TTC8: variants seen among roughly 807,000 people sequenced by gnomAD.
TTC8 encodes tetratricopeptide repeat domain 8, also known as tetratricopeptide repeat protein 8.
A neutral mutation model predicts 72.5 loss-of-function variants in TTC8; 47 were observed. The observed-to-expected ratio is 0.65, with a 90% CI of 0.51 to 0.83. The LOEUF is 0.83. TTC8 is among the 40% of genes least tolerant of loss of function. The probability of loss-of-function intolerance (pLI) is 0.00; values close to 1 mark genes in which losing one functional copy is unlikely to be tolerated. For synonymous variants in TTC8, 199 were observed against 221.4 expected (o/e 0.90, Z 0.90); for missense variants, 611 against 623.2 (o/e 0.98, Z 0.21).
intron 9 of TTC8, among the ~76,000 whole-genome samples, chr14:88,859,871 ATATAT>A (rs1370083633): frequency 5.9e-5 from 7 of 118,996 alleles, no homozygotes; most frequent in African/African-American, 3.0e-4. Flanking sequence ...TATAATATAA[ATATAT>A]TATATATTAT....
chr14:88,874,272 G>A (rs1362633569), intron 13 of TTC8, among the ~76,000 whole-genome samples: 1 of 151,978 alleles, frequency 6.6e-6, no homozygotes, highest in Non-Finnish European at 1.5e-5. Context: ...CATTAAAAAA[G>A]TTATACAAAT....
At chr14:88,873,550 C>T (rs555930172) in intron 13 of TTC8, among the ~76,000 whole-genome samples, 1 of 152,086 alleles carries the variant, frequency 6.6e-6, no homozygotes, top group East Asian at 1.9e-4. Context: ...GAAACAGTAC[C>T]TGCCGTATGG....
Position 88,872,411 on chromosome 14 carries a change from A to G in TTC8, c.1306A>G (p.Asn436Asp). ...NNNNHAEAYN[N>D]LAVLEMRKGH... ...CAACAACCACGCCGAGGCCTACAAC[A>G]ACCTGGCTGTGCTGGAGATGCGGAA... The change falls in exon 13 of 15, where the codon AAC (asparagine) becomes GAC (aspartate). Residue 436 changes from asparagine (N) to aspartate (D), a missense_variant. Physicochemically the swap from Asn to Asp is conservative, Grantham distance 23. Transcript: ENST00000380656. 1 of 1,614,014 alleles carries G rather than the reference A, an allele frequency of 6.2e-7. No homozygotes were observed. The highest frequency in any genetic ancestry group is 8.5e-7 in the Non-Finnish European group (1 of 1,179,928).
chr14:88,828,093 T>C (rs1446490128), intron 1 of TTC8, among the ~76,000 whole-genome samples: 1 of 152,218 alleles, frequency 6.6e-6, no homozygotes, highest in African/African-American at 2.4e-5. Flanking sequence ...CCATCCTTAA[T>C]TCTCAGCACC....
chr14:88,875,227 T>A lies in TTC8; in HGVS notation c.1431+118T>A. 1.1e-5 allele frequency: 9 copies of A among 847,696 alleles called. No homozygotes were observed. In the South Asian group the frequency reaches 1.3e-4, roughly 12 times the overall value. The allele number at this position is 847,696 out of a possible 1,614,324, so 52.5% of individuals were successfully genotyped here. On this transcript the variant is annotated intron_variant, in intron 14 of 14. Coordinates refer to ENST00000380656, the MANE Select transcript of TTC8 (RefSeq NM_144596.4). ...CATCTTCCTGAAAGAAATGACTTTT[T>A]AAAACTCTTAATTACTGCATTTATT...
intron 1 of TTC8, among the ~76,000 whole-genome samples, chr14:88,828,985 C>T (rs996396327): frequency 6.6e-6 from 1 of 152,140 alleles, no homozygotes; most frequent in Non-Finnish European, 1.5e-5. Flanking sequence ...CAGAGTAATA[C>T]ATTTTAATTT....
intron 6 of TTC8, among the ~76,000 whole-genome samples, chr14:88,841,914 A>T (rs1048282550): frequency 5.3e-5 from 8 of 152,192 alleles, no homozygotes; most frequent in Admixed American, 2.6e-4. Context: ...GGATGATAAA[A>T]ATTATGTACT....
chr14:88,854,758 T>G (rs1041096978), intron 8 of TTC8, among the ~76,000 whole-genome samples: 1 of 152,214 alleles, frequency 6.6e-6, no homozygotes, highest in African/African-American at 2.4e-5. Flanking sequence ...TGATTGTGGC[T>G]CACTGCAGCC....
At chr14:88,866,971 C>T (rs2094912869) in intron 10 of TTC8, among the ~76,000 whole-genome samples, 1 of 152,124 alleles carries the variant, frequency 6.6e-6, no homozygotes, top group African/African-American at 2.4e-5. Flanking sequence ...AATGCCTAAC[C>T]TCTGTCATAA....
At chr14:88,860,524 C>T (rs753008535) in intron 9 of TTC8, among the ~76,000 whole-genome samples, 16 of 152,144 alleles carry the variant, frequency 1.1e-4, no homozygotes, top group Non-Finnish European at 2.2e-4. Flanking sequence ...AGGCCTTGTT[C>T]CATGGGTCAT....
chr14:88,836,666 A>T (rs2094753084), intron 2 of TTC8, among the ~76,000 whole-genome samples: 1 of 152,164 alleles, frequency 6.6e-6, no homozygotes, highest in South Asian at 2.1e-4. Context: ...AATCATGATG[A>T]ATTGGACTAT....
At chr14:88,859,229 C>A (rs1320050800) in intron 9 of TTC8, among the ~76,000 whole-genome samples, 1 of 151,984 alleles carries the variant, frequency 6.6e-6, no homozygotes, top group Non-Finnish European at 1.5e-5. Flanking sequence ...ATGTTCATTG[C>A]AGCACTATTC....
intron 8 of TTC8, among the ~76,000 whole-genome samples, chr14:88,854,938 T>C (rs1357711878): frequency 6.6e-6 from 1 of 152,186 alleles, no homozygotes; most frequent in Non-Finnish European, 1.5e-5. Flanking sequence ...CCTCCCGCCT[T>C]GGCATCCTAA....
At chr14:88,863,898 TAAAAC>T (rs1250237900) in intron 10 of TTC8, among the ~76,000 whole-genome samples, 1 of 152,216 alleles carries the variant, frequency 6.6e-6, no homozygotes, top group Non-Finnish European at 1.5e-5. Flanking sequence ...TCTAAGTAAA[TAAAAC>T]AATCATCATT....
chr14:88,827,339 A>G (rs10139108), intron 1 of TTC8, among the ~76,000 whole-genome samples: 49,037 of 152,096 alleles, frequency 0.32, 8,121 homozygotes, highest in Non-Finnish European at 0.37. Context: ...AAGGGTTGAT[A>G]TGTTCAGCTC....
intron 9 of TTC8, among the ~76,000 whole-genome samples, chr14:88,859,841 AAT>A (rs544115668): frequency 0.02 from 2,094 of 103,226 alleles, 49 homozygotes; most frequent in African/African-American, 0.055. Flanking sequence ...ATATAAAAAT[AAT>A]ATAAATATAT....
chr14:88,856,303 A>G (rs2141005503), intron 8 of TTC8, among the ~76,000 whole-genome samples: 1 of 152,292 alleles, frequency 6.6e-6, no homozygotes, highest in Middle Eastern at 3.4e-3. Flanking sequence ...CAGCCACACC[A>G]ATGCTTAAGG....
chr14:88,863,612 G>A (rs529150539), intron 10 of TTC8, among the ~76,000 whole-genome samples: 6 of 152,362 alleles, frequency 3.9e-5, no homozygotes, highest in South Asian at 2.1e-4. Flanking sequence ...AGCAAGCTAC[G>A]CTTATCATCT....
rs1424286919 is a variant in TTC8 at position 88,877,689 on chromosome 14, T to C, written c.*279T>C. The C allele has an allele frequency of 4.3e-6, 1 of 231,092 alleles. No homozygotes were observed. The highest frequency in any genetic ancestry group is 8.5e-6 in the Non-Finnish European group (1 of 117,886). 14.3% of individuals were successfully genotyped at this position (231,092 alleles called of 1,614,324 possible). A position where few individuals can be genotyped will look rare whatever the true frequency, so the allele number is the denominator to read the frequency against. The stretch of plus-strand genomic sequence containing the variant: ...TTATATAGTAGATGTTTGTTTATAA[T>C]GTTTACAAAACATTTTGGTGAATTT... On this transcript the variant is annotated 3_prime_UTR_variant, in exon 15 of 15. Transcript: ENST00000380656.
Sources: gnomAD v4.1 joint callset for allele counts (sites outside exome capture counted in the v4.1 genomes callset) on GRCh38, gnomAD v4.1.1 for gene constraint, MANE v1.5 for transcripts, NCBI Gene and HGNC (gene_info 2026-07-23, HGNC 2026-07-21) for gene names.